Variants in PCDHA13 observed in about 807,000 individuals in gnomAD.
PCDHA13 encodes protocadherin alpha 13.
PCDHA13 carries 54 observed loss-of-function variants against 64.8 expected under a neutral mutation model. The ratio of observed to expected loss-of-function variants is 0.83; its 90% confidence interval spans 0.67 to 1.04. PCDHA13 has a LOEUF of 1.04. Ranked by LOEUF, PCDHA13 falls within the 50% of genes least tolerant of loss-of-function variation. The pLI is 0.00. For synonymous variants in PCDHA13, 587 were observed against 564.4 expected, an observed-to-expected ratio of 1.04 and a Z score of -0.57; for missense variants, 1,248 against 1,254.3, an observed-to-expected ratio of 0.99 and a Z score of 0.08.
intron 1 of PCDHA13, among the ~76,000 whole-genome samples, chr5:140,975,632 A>G (rs1554236932): frequency 1.3e-5 from 2 of 152,216 alleles, no homozygotes; most frequent in African/African-American, 4.8e-5. Context: ...CATGGTACGA[A>G]GATAGCATAT....
intron 1 of PCDHA13, among the ~76,000 whole-genome samples, chr5:140,978,421 T>C (rs969808613): frequency 2.0e-5 from 3 of 152,236 alleles, no homozygotes; most frequent in Non-Finnish European, 4.4e-5. Flanking sequence ...AAAGAGACTG[T>C]TATCAGTTGC....
At chr5:140,957,556 A>G (rs1364343526) in intron 1 of PCDHA13, among the ~76,000 whole-genome samples, 1 of 152,150 alleles carries the variant, frequency 6.6e-6, no homozygotes, top group African/African-American at 2.4e-5. Flanking sequence ...TCTCTGTGGA[A>G]AAGGAGGGAC....
At chr5:140,906,736 A>G (rs1554192686) in intron 1 of PCDHA13, among the ~76,000 whole-genome samples, 1 of 152,132 alleles carries the variant, frequency 6.6e-6, no homozygotes, top group Admixed American at 6.5e-5. Context: ...GTAGTTTCCC[A>G]TTGACACAGG....
chr5:140,933,780 T>G (rs1404194841), intron 1 of PCDHA13, among the ~76,000 whole-genome samples: 2 of 152,124 alleles, frequency 1.3e-5, no homozygotes, highest in Non-Finnish European at 2.9e-5. Flanking sequence ...TACAGTTTTC[T>G]TTGTAGGAAA....
intron 1 of PCDHA13, among the ~76,000 whole-genome samples, chr5:140,900,590 G>A (rs984247729): frequency 3.3e-5 from 5 of 152,174 alleles, no homozygotes; most frequent in South Asian, 2.1e-4. Flanking sequence ...TTCTTTACCC[G>A]TTCATCTGAT....
At chr5:140,890,854 T>C (rs1320462436) in intron 1 of PCDHA13, among the ~76,000 whole-genome samples, 1 of 152,232 alleles carries the variant, frequency 6.6e-6, no homozygotes, top group African/African-American at 2.4e-5. Context: ...TTTCTCTTCC[T>C]TACTTCTTGC....
intron 1 of PCDHA13, among the ~76,000 whole-genome samples, chr5:140,972,578 C>A (rs1554234223): frequency 6.6e-6 from 1 of 151,798 alleles, no homozygotes; most frequent in Non-Finnish European, 1.5e-5. Flanking sequence ...GGCAATAGGG[C>A]AGAATTTCTC....
chr5:140,978,802 T>C, intron 1 of PCDHA13, 147 bp from the exon 2 acceptor site: 1 of 1,483,264 alleles, frequency 6.7e-7, no homozygotes, highest in Non-Finnish European at 9.0e-7. Flanking sequence ...TATGTAGATA[T>C]CATCATAGAG....
chr5:141,011,085 T>C lies in PCDHA13; in HGVS notation c.*1148T>C, dbSNP rs2098419298. The C allele has an allele frequency of 6.5e-6, 1 of 153,776 alleles. No homozygotes were observed. Among genetic ancestry groups the C allele is most frequent in the Non-Finnish European group, 1.5e-5 (1 of 68,046 alleles). The allele number at this position is 153,776 out of a possible 1,614,324, so 9.5% of individuals were successfully genotyped here. A position where few individuals can be genotyped will look rare whatever the true frequency, so the allele number is the denominator to read the frequency against. ...ATGTATTACTAAATAAAATGATCTC[T>C]CTTTCTCTCTCTCTCTCTCTTTTCT... On this transcript the variant is annotated 3_prime_UTR_variant, in exon 4 of 4. Transcript: ENST00000289272.
At chr5:141,000,415 A>ATT (rs1563651650) in intron 3 of PCDHA13, among the ~76,000 whole-genome samples, 4 of 87,388 alleles carry the variant, frequency 4.6e-5, no homozygotes, top group African/African-American at 1.5e-4. Flanking sequence ...ATATATATAT[A>ATT]TATATATTTT....
intron 1 of PCDHA13, chr5:140,926,550 C>A (rs1235832737): frequency 1.7e-5 from 4 of 233,488 alleles, no homozygotes; most frequent in Admixed American, 5.6e-5. Context: ...TGGTCGAGAC[C>A]CCAGCCCGCT....
chr5:140,978,685 CA>C (rs1426574040), intron 1 of PCDHA13, among the ~76,000 whole-genome samples: 2 of 152,242 alleles, frequency 1.3e-5, no homozygotes, highest in African/African-American at 2.4e-5. Context: ...ATGTATTGGG[CA>C]AGGCAAAGCC....
In PCDHA13 at chr5:140,883,774, T is replaced by C. The variant is rs782252577; in HGVS notation, c.1506T>C (p.Arg502=). Residue 502 remains arginine, a synonymous_variant, in exon 1 of 4, where the codon CGT becomes CGC. Transcript: ENST00000289272. ...YSLVERRVGE[R]ALSSYVSVHA... The stretch of plus-strand genomic sequence containing the variant: ...TGGTGGAGCGGCGGGTGGGCGAGCG[T>C]GCGCTGTCGAGCTACGTGTCGGTGC... The C allele has an allele frequency of 6.2e-6, 10 of 1,612,152 alleles. No homozygotes were observed. Among genetic ancestry groups the C allele is most frequent in the South Asian group, 5.5e-5 (5 of 90,980 alleles).
In PCDHA13 at chr5:141,009,694, A is replaced by G. The variant is rs782798367; in HGVS notation, c.2610A>G (p.Lys870=). The part of the protein sequence containing the change: ...AGVNSNSWTF[K]YGPGNPKQSG... ...TCAACAGCAACAGCTGGACCTTTAA[A>G]TACGGACCAGGCAACCCCAAACAAT... is the stretch of plus-strand genomic sequence containing the variant. The change falls in exon 4 of 4, where the codon AAA becomes AAG. Residue 870 remains lysine (K), a synonymous_variant. Transcript: ENST00000289272. 5 of 1,613,890 alleles carry G rather than the reference A, an allele frequency of 3.1e-6. No homozygotes were observed. In the Admixed American group the frequency reaches 6.7e-5, roughly 22 times the overall value.
Position 140,883,713 on chromosome 5 carries a change from C to G in PCDHA13, c.1445C>G (p.Ala482Gly), listed in dbSNP as rs782438050. ...CHIFTVSAQD[A>G]DAQENALVSY... ...ATCTTCACGGTGTCTGCTCAGGACG[C>G]GGACGCACAGGAGAACGCGCTGGTC... The change falls in exon 1 of 4, where the codon GCG (alanine) becomes GGG (glycine). Residue 482 changes from alanine (A) to glycine (G), a missense_variant. Ala to Gly is a moderately conservative substitution (Grantham distance 60). Coordinates refer to ENST00000289272, the MANE Select transcript of PCDHA13 (RefSeq NM_018904.3). 2.5e-6 allele frequency: 4 copies of G among 1,613,520 alleles called. No homozygotes were observed. The East Asian group carries it at 8.9e-5, about 36-fold the overall frequency.
chr5:140,939,215 G>C (rs1251785254), intron 1 of PCDHA13, among the ~76,000 whole-genome samples: 1 of 152,154 alleles, frequency 6.6e-6, no homozygotes, highest in African/African-American at 2.4e-5. Context: ...CCTTCTTGCT[G>C]TCTCTTCACC....
intron 1 of PCDHA13, chr5:140,926,735 G>A (rs2083511846): frequency 1.1e-5 from 12 of 1,140,634 alleles, no homozygotes; most frequent in African/African-American, 1.6e-5. Context: ...GCGTTCGGGA[G>A]GCGCAACGTC....
intron 1 of PCDHA13, among the ~76,000 whole-genome samples, chr5:140,901,786 T>C (rs2068901288): frequency 6.6e-6 from 1 of 152,242 alleles, no homozygotes; most frequent in South Asian, 2.1e-4. Context: ...TAGATTACTT[T>C]GGGTAGTATG....
At chr5:140,958,145 A>G (rs1044763099) in intron 1 of PCDHA13, among the ~76,000 whole-genome samples, 4 of 152,156 alleles carry the variant, frequency 2.6e-5, no homozygotes, top group African/African-American at 4.8e-5. Context: ...GTATATTTAT[A>G]TAGCATAGTC....
Sources: gnomAD v4.1 joint callset for allele counts (sites outside exome capture counted in the v4.1 genomes callset) on GRCh38, gnomAD v4.1.1 for gene constraint, MANE v1.5 for transcripts, NCBI Gene and HGNC (gene_info 2026-07-23, HGNC 2026-07-21) for gene names.